EYA1: variants seen among roughly 807,000 people sequenced by gnomAD.
The protein encoded by EYA1 is EYA transcriptional coactivator and phosphatase 1.
EYA1 carries 16 observed loss-of-function variants against 82.0 expected under a neutral mutation model. That is an observed-to-expected ratio of 0.20 (90% CI 0.13 to 0.30). EYA1 has a LOEUF of 0.30. Ranked by LOEUF, EYA1 falls within the 10% of genes least tolerant of loss-of-function variation. The pLI, the probability that EYA1 is intolerant of heterozygous loss-of-function variation, is 1.00. For missense variants in EYA1, 633 were observed against 730.7 expected, an observed-to-expected ratio of 0.87 and a Z score of 1.54; for synonymous variants, 261 against 264.4, an observed-to-expected ratio of 0.99 and a Z score of 0.12.
chr8:71,355,229 A>T (rs1254100437), intron 2 of EYA1, among the ~76,000 whole-genome samples: 1 of 152,240 alleles, frequency 6.6e-6, no homozygotes, highest in African/African-American at 2.4e-5. Flanking sequence ...AAGAAAAAAT[A>T]CAGTCATCGT....
intron 12 of EYA1, among the ~76,000 whole-genome samples, chr8:71,219,089 G>A (rs1809568101): frequency 6.6e-6 from 1 of 152,160 alleles, no homozygotes; most frequent in East Asian, 1.9e-4. Flanking sequence ...AGAGAAGGCA[G>A]TTATCCTCTA....
Position 71,199,125 on chromosome 8 carries a change from T to C in EYA1, c.*215A>G. The C allele has an allele frequency of 6.5e-6, 4 of 615,138 alleles. No individual in the cohort carries two copies. In the South Asian group the frequency reaches 7.3e-5, roughly 11 times the overall value. The allele number at this position is 615,138 out of a possible 1,614,324, so 38.1% of individuals were successfully genotyped here. A position where few individuals can be genotyped will look rare whatever the true frequency, so the allele number is the denominator to read the frequency against. On this transcript the variant is annotated 3_prime_UTR_variant, in exon 18 of 18. Transcript: ENST00000340726. ...GCTAAAACATTCTCATGGCTTATTT[T>C]CACTGGATTCACAGTACTAGAGTCA...
At chr8:71,311,687 TGAA>T (rs1449176335) in intron 7 of EYA1, among the ~76,000 whole-genome samples, 2 of 152,366 alleles carry the variant, frequency 1.3e-5, no homozygotes, top group Non-Finnish European at 2.9e-5. Context: ...CAGTTGTTTA[TGAA>T]GAAGAACACT....
intron 2 of EYA1, among the ~76,000 whole-genome samples, chr8:71,395,277 C>A (rs28887316): frequency 0.21 from 32,232 of 151,868 alleles, 4,116 homozygotes; most frequent in Non-Finnish European, 0.29. Flanking sequence ...ATTGAATAAC[C>A]TTTATTTCTT....
chr8:71,543,859 AG>A (rs1457209395), intron 1 of EYA1, among the ~76,000 whole-genome samples: 1 of 152,198 alleles, frequency 6.6e-6, no homozygotes, highest in African/African-American at 2.4e-5. Flanking sequence ...GTATTTAATC[AG>A]GAATGAGAAA....
chr8:71,439,158 TA>T (rs887439184), intron 2 of EYA1, among the ~76,000 whole-genome samples: 28 of 152,278 alleles, frequency 1.8e-4, no homozygotes, highest in African/African-American at 6.7e-4. Context: ...TCAGAAAGGT[TA>T]AAACCTTTTT....
chr8:71,369,091 T>C (rs1827937044), intron 2 of EYA1, among the ~76,000 whole-genome samples: 1 of 148,060 alleles, frequency 6.8e-6, no homozygotes, highest in South Asian at 2.1e-4. Context: ...TAATCCCAGC[T>C]ACTCAGGAGG....
intron 7 of EYA1, among the ~76,000 whole-genome samples, chr8:71,316,452 A>T: frequency 6.6e-6 from 1 of 152,182 alleles, no homozygotes; most frequent in South Asian, 2.1e-4. Context: ...CATAGAACAG[A>T]ACTTATTGAT....
intron 2 of EYA1, among the ~76,000 whole-genome samples, chr8:71,518,924 T>C (rs1264990495): frequency 6.6e-6 from 1 of 152,140 alleles, no homozygotes; most frequent in Non-Finnish European, 1.5e-5. Flanking sequence ...TTACAAGTAT[T>C]ATTGAACCCT....
At chr8:71,358,793 TTC>T (rs1301288149) in intron 1 of EYA1, among the ~76,000 whole-genome samples, 2 of 152,166 alleles carry the variant, frequency 1.3e-5, no homozygotes, top group Non-Finnish European at 1.5e-5. Context: ...CTCTGGAAGT[TTC>T]TGTCTTGTAA....
chr8:71,500,344 A>C (rs1377128425), intron 2 of EYA1, among the ~76,000 whole-genome samples: 3 of 152,224 alleles, frequency 2.0e-5, no homozygotes, highest in South Asian at 2.1e-4. Flanking sequence ...TAGAACTTCT[A>C]CTGGTGTCCG....
At chr8:71,239,956 G>A (rs1812278157) in intron 12 of EYA1, among the ~76,000 whole-genome samples, 1 of 152,104 alleles carries the variant, frequency 6.6e-6, no homozygotes. Flanking sequence ...ACTTGAAATC[G>A]AAGTTTCTTA....
chr8:71,217,102 A>T, intron 12 of EYA1, 79 bp from the exon 13 acceptor site: 1 of 1,080,260 alleles, frequency 9.3e-7, no homozygotes, highest in African/African-American at 1.6e-5. Flanking sequence ...AAAACCATAC[A>T]TATTTTTTAA....
intron 9 of EYA1, among the ~76,000 whole-genome samples, chr8:71,276,076 A>G (rs941808348): frequency 1.3e-5 from 2 of 152,244 alleles, no homozygotes; most frequent in Admixed American, 1.3e-4. Context: ...CAGGATATGA[A>G]TCAACACAAT....
chr8:71,489,802 A>T (rs1586819348), intron 2 of EYA1, among the ~76,000 whole-genome samples: 1 of 152,376 alleles, frequency 6.6e-6, no homozygotes, highest in South Asian at 2.1e-4. Context: ...ATGTATTTTA[A>T]TCAACTTCAG....
chr8:71,248,827 T>C (rs1217619122), intron 11 of EYA1, among the ~76,000 whole-genome samples: 1 of 152,196 alleles, frequency 6.6e-6, no homozygotes, highest in East Asian at 1.9e-4. Context: ...AAGCTAACAT[T>C]GAACAGTTAA....
At chr8:71,426,566 C>A (rs1805248183) in intron 2 of EYA1, among the ~76,000 whole-genome samples, 1 of 152,204 alleles carries the variant, frequency 6.6e-6, no homozygotes, top group African/African-American at 2.4e-5. Context: ...TGGGAGCATT[C>A]GTGGTTTGCC....
At chr8:71,444,347 C>T (rs1681184839) in intron 2 of EYA1, among the ~76,000 whole-genome samples, 1 of 152,174 alleles carries the variant, frequency 6.6e-6, no homozygotes, top group Admixed American at 6.5e-5. Flanking sequence ...ATAGAAAAGA[C>T]AGCAACAAGA....
At chr8:71,292,271 T>C (rs1819088822) in intron 9 of EYA1, among the ~76,000 whole-genome samples, 1 of 152,102 alleles carries the variant, frequency 6.6e-6, no homozygotes, top group Non-Finnish European at 1.5e-5. Context: ...CTAGTTTAGA[T>C]ATTAGCACAA....
Sources: allele counts gnomAD v4.1 joint callset (sites outside exome capture counted in the v4.1 genomes callset), GRCh38; gene constraint gnomAD v4.1.1; transcripts MANE v1.5; gene names NCBI Gene and HGNC (gene_info 2026-07-23, HGNC 2026-07-21).